Variants in CC2D2B observed in about 807,000 individuals in gnomAD.
The protein encoded by CC2D2B is coiled-coil and C2 domain containing 2B.
A neutral mutation model predicts 161.2 loss-of-function variants in CC2D2B; 128 were observed. That is an observed-to-expected ratio of 0.79 (90% CI 0.69 to 0.92). The LOEUF (loss-of-function observed/expected upper bound fraction) is 0.92, where lower values mean the gene tolerates loss of function less well. CC2D2B is among the 40% of genes least tolerant of loss of function. The probability of loss-of-function intolerance (pLI) is 0.00; values close to 1 mark genes in which losing one functional copy is unlikely to be tolerated. For synonymous variants in CC2D2B, 391 were observed against 449.8 expected (o/e 0.87, Z 1.65); for missense variants, 1,173 against 1,375.1 (o/e 0.85, Z 2.32).
At chr10:95,915,383 A>G (rs914138935) in intron 2 of CC2D2B, among the ~76,000 whole-genome samples, 1 of 152,126 alleles carries the variant, frequency 6.6e-6, no homozygotes, top group Non-Finnish European at 1.5e-5. Context: ...TTTCTTTCCA[A>G]TTTGGATGCC....
At chr10:95,986,212 C>T (rs1035213219) in intron 19 of CC2D2B, among the ~76,000 whole-genome samples, 4 of 150,254 alleles carry the variant, frequency 2.7e-5, no homozygotes, top group Admixed American at 6.6e-5. Flanking sequence ...GGGGGCATCA[C>T]GGAACCTGCC....
intron 9 of CC2D2B, among the ~76,000 whole-genome samples, chr10:95,940,750 C>T (rs1018828097): frequency 6.6e-6 from 1 of 152,216 alleles, no homozygotes; most frequent in African/African-American, 2.4e-5. Flanking sequence ...GAAAGACATC[C>T]CATGTTCATG....
At chr10:96,026,877 C>A (rs1473888027) in intron 33 of CC2D2B, among the ~76,000 whole-genome samples, 1 of 152,178 alleles carries the variant, frequency 6.6e-6, no homozygotes, top group Non-Finnish European at 1.5e-5. Context: ...AATCCCAGCA[C>A]TTTGGGAGAC....
chr10:96,004,164 T>C lies in CC2D2B; in HGVS notation c.2862T>C (p.His954=), dbSNP rs1265333608. ...EIKVDFVSPG[H]DYSFSSLSKI... ...TTCTTATTTGCAGCTCACCAGGACA[T>C]GATTATAGCTTCTCAAGCTTATCTA... The change falls in exon 25 of 35, where the codon CAT becomes CAC. Residue 954 remains histidine, a synonymous_variant. Transcript: ENST00000646931. 7.2e-6 allele frequency: 11 copies of C among 1,537,906 alleles called. No individual in the cohort carries two copies. Among genetic ancestry groups the C allele is most frequent in the Non-Finnish European group, 9.6e-6 (11 of 1,145,362 alleles).
chr10:96,012,500 A>G, intron 27 of CC2D2B, 32 bp from the exon 28 acceptor site: 1 of 1,457,960 alleles, frequency 6.9e-7, no homozygotes, highest in Non-Finnish European at 9.6e-7. Flanking sequence ...ACAATACAGT[A>G]CAATTCTGAA....
intron 12 of CC2D2B, 140 bp from the exon 13 acceptor site, chr10:95,965,756 A>C (rs1437151139): frequency 5.3e-6 from 2 of 377,298 alleles, no homozygotes; most frequent in Admixed American, 9.1e-5. Context: ...ATTTCCTTAG[A>C]ATGTAAAATT....
At chr10:96,013,122 G>T (rs1172048048) in intron 28 of CC2D2B, among the ~76,000 whole-genome samples, 1 of 152,124 alleles carries the variant, frequency 6.6e-6, no homozygotes, top group African/African-American at 2.4e-5. Context: ...CAGTGTAGAA[G>T]GTCATAATGG....
intron 19 of CC2D2B, among the ~76,000 whole-genome samples, chr10:95,987,665 A>T (rs74477935): frequency 0.041 from 6,300 of 152,272 alleles, 259 homozygotes; most frequent in African/African-American, 0.098. Flanking sequence ...TGTAATATTA[A>T]AATTATTTAT....
At chr10:95,925,472 TATCCAACTTACAGATTTTA>T (rs1264571332) in intron 5 of CC2D2B, among the ~76,000 whole-genome samples, 1 of 152,254 alleles carries the variant, frequency 6.6e-6, no homozygotes. Flanking sequence ...TTATAGGTGA[TATCCAACTTACAGATTTTA>T]ATCCAACTTA....
At chr10:95,930,390 T>C (rs1276331233) in intron 6 of CC2D2B, among the ~76,000 whole-genome samples, 1 of 152,216 alleles carries the variant, frequency 6.6e-6, no homozygotes, top group Non-Finnish European at 1.5e-5. Context: ...CCTTTATTTC[T>C]TTCTCTTGCC....
intron 24 of CC2D2B, among the ~76,000 whole-genome samples, chr10:96,003,021 A>AATAAATATATATATAT (rs1366887388): frequency 2.1e-5 from 3 of 140,708 alleles, no homozygotes; most frequent in Admixed American, 7.1e-5. Context: ...AAAATAAATA[A>AATAAATATATATATAT]ATATATATAT....
At chr10:95,965,707 C>T (rs1590640072) in intron 12 of CC2D2B, among the ~76,000 whole-genome samples, 189 bp from the exon 13 acceptor site, 1 of 151,690 alleles carries the variant, frequency 6.6e-6, no homozygotes, top group South Asian at 2.1e-4. Flanking sequence ...AAGCCGAGAA[C>T]AAGCTTATAA....
chr10:95,917,054 T>G (rs1382893427), intron 2 of CC2D2B, among the ~76,000 whole-genome samples: 2 of 152,236 alleles, frequency 1.3e-5, no homozygotes, highest in African/African-American at 4.8e-5. Context: ...AATATTTGTT[T>G]TATGTATCTG....
chr10:95,963,514 A>G (rs995900620), intron 12 of CC2D2B, among the ~76,000 whole-genome samples: 1 of 152,200 alleles, frequency 6.6e-6, no homozygotes, highest in Non-Finnish European at 1.5e-5. Context: ...TCTGTGACAC[A>G]GTAAATAAGC....
At chr10:95,926,144 CAT>C (rs1402418143) in intron 5 of CC2D2B, among the ~76,000 whole-genome samples, 2 of 151,996 alleles carry the variant, frequency 1.3e-5, no homozygotes, top group African/African-American at 4.8e-5. Flanking sequence ...TCACTCAACA[CAT>C]GAATTAAAAC....
chr10:96,016,025 C>T (rs1218495748), intron 29 of CC2D2B, among the ~76,000 whole-genome samples, 176 bp from the exon 30 acceptor site: 4 of 152,204 alleles, frequency 2.6e-5, no homozygotes, highest in Non-Finnish European at 5.9e-5. Context: ...TTCTCTTCCT[C>T]TAATGCCCTA....
intron 24 of CC2D2B, among the ~76,000 whole-genome samples, chr10:95,998,633 G>T (rs769115264): frequency 2.0e-5 from 3 of 152,132 alleles, no homozygotes; most frequent in Non-Finnish European, 4.4e-5. Flanking sequence ...AGGGTAGGAT[G>T]GCAAGCTGGA....
intron 19 of CC2D2B, among the ~76,000 whole-genome samples, chr10:95,987,344 C>T (rs892234880): frequency 2.0e-5 from 3 of 151,722 alleles, no homozygotes; most frequent in East Asian, 1.9e-4. Context: ...ATGTAAATAA[C>T]GTGATATGAA....
intron 2 of CC2D2B, among the ~76,000 whole-genome samples, chr10:95,914,281 T>C (rs2098511834): frequency 2.0e-5 from 3 of 152,046 alleles, no homozygotes; most frequent in Admixed American, 2.0e-4. Flanking sequence ...GATGTATAGA[T>C]TTATTTTTGG....
Sources: allele counts gnomAD v4.1 joint callset (sites outside exome capture counted in the v4.1 genomes callset), GRCh38; gene constraint gnomAD v4.1.1; transcripts MANE v1.5; gene names NCBI Gene and HGNC (gene_info 2026-07-23, HGNC 2026-07-21).